Variants in JPH3 observed in about 807,000 individuals in gnomAD.
JPH3 encodes junctophilin-3.
In JPH3, 11 loss-of-function variants were observed where a neutral mutation model predicts 59.6. The ratio of observed to expected loss-of-function variants is 0.18; its 90% CI spans 0.12 to 0.31. The LOEUF (loss-of-function observed/expected upper bound fraction) is 0.31, where lower values mean the gene tolerates loss of function less well. Among genes scored for constraint, JPH3 ranks in the 10% least tolerant of loss-of-function variants. JPH3 has a pLI of 1.00. For synonymous variants in JPH3, 673 were observed against 483.6 expected, an observed-to-expected ratio of 1.39 and a Z score of -5.14; for missense variants, 1,202 against 1,105.7, an observed-to-expected ratio of 1.09 and a Z score of -1.24.
In JPH3 at chr16:87,690,419, G is replaced by A. The variant is rs751394923; in HGVS notation, c.2059G>A (p.Glu687Lys). The A allele has an allele frequency of 2.0e-6, 3 of 1,500,244 alleles. No homozygotes were observed. The highest frequency in any genetic ancestry group is 2.8e-5 in the African/African-American group (2 of 70,970). The allele number at this position is 1,500,244 out of a possible 1,614,324, so 92.9% of individuals were successfully genotyped here. ...KLASLRLGGA[E>K]PRLLRWDLTF... ...GGCGAGCCTGCGGCTGGGCGGGGCC[G>A]AGCCCCGGTTGCTGCGTTGGGACTT... Residue 687 changes from glutamate (E) to lysine (K), a missense_variant, in exon 4 of 5, where the codon GAG (glutamate) becomes AAG (lysine). Transcript: ENST00000284262.
At chr16:87,636,013 C>T (rs1017005340) in intron 1 of JPH3, among the ~76,000 whole-genome samples, 4 of 152,332 alleles carry the variant, frequency 2.6e-5, no homozygotes, top group African/African-American at 7.2e-5. Flanking sequence ...CTCTGGGGGC[C>T]GTGCTGACCG....
chr16:87,649,707 G>A (rs940600122), intron 2 of JPH3, among the ~76,000 whole-genome samples: 3 of 152,168 alleles, frequency 2.0e-5, no homozygotes, highest in Non-Finnish European at 4.4e-5. Flanking sequence ...GGGCGATGGG[G>A]CAGATTGTAG....
intron 2 of JPH3, among the ~76,000 whole-genome samples, chr16:87,681,513 C>T (rs534102164): frequency 1.6e-5 from 2 of 128,030 alleles, no homozygotes; most frequent in East Asian, 4.8e-4. Flanking sequence ...GTGACAGTGC[C>T]GGGAGGTCAG....
intron 2 of JPH3, among the ~76,000 whole-genome samples, chr16:87,668,382 A>G (rs911152696): frequency 1.3e-5 from 2 of 152,032 alleles, no homozygotes; most frequent in African/African-American, 4.8e-5. Context: ...CTCTCCGCAG[A>G]CGCCCTTTCC....
At chr16:87,604,063 A>G in intron 1 of JPH3, 1 of 985,232 alleles carries the variant, frequency 1.0e-6, no homozygotes, top group Non-Finnish European at 1.2e-6. Context: ...AACCCGAACC[A>G]AAACAGCCAG....
At chr16:87,686,378 C>T (rs62053836) in intron 3 of JPH3, among the ~76,000 whole-genome samples, 5,082 of 124,416 alleles carry the variant, frequency 0.041, 46 homozygotes, top group African/African-American at 0.056. Context: ...AGAGGAGATG[C>T]TTCCCAGAGG....
chr16:87,673,713 G>A (rs1362879062), intron 2 of JPH3, among the ~76,000 whole-genome samples: 1 of 152,044 alleles, frequency 6.6e-6, no homozygotes, highest in African/African-American at 2.4e-5. Context: ...ATCACCTGAG[G>A]TCAGGAGTTC....
chr16:87,640,797 T>C (rs2031923846), intron 1 of JPH3, among the ~76,000 whole-genome samples: 1 of 152,222 alleles, frequency 6.6e-6, no homozygotes. Flanking sequence ...CTGTGTTTGA[T>C]GTGACAACCC....
chr16:87,665,657 G>T (rs1430334362), intron 2 of JPH3, among the ~76,000 whole-genome samples: 1 of 152,214 alleles, frequency 6.6e-6, no homozygotes, highest in Admixed American at 6.5e-5. Context: ...GGAAGCTGGG[G>T]GTGGGAGCAG....
chr16:87,607,419 C>T (rs773896307), intron 1 of JPH3, among the ~76,000 whole-genome samples: 2 of 152,252 alleles, frequency 1.3e-5, no homozygotes, highest in African/African-American at 4.8e-5. Context: ...CACCCACAGT[C>T]GGAATTCAGA....
intron 3 of JPH3, among the ~76,000 whole-genome samples, chr16:87,685,268 C>G (rs1022061901): frequency 6.6e-6 from 1 of 152,356 alleles, no homozygotes; most frequent in African/African-American, 2.4e-5. Flanking sequence ...GCAGCTGCAG[C>G]CTGGAGGTCA....
intron 2 of JPH3, among the ~76,000 whole-genome samples, chr16:87,672,261 G>A (rs1483600604): frequency 2.0e-5 from 3 of 152,120 alleles, no homozygotes; most frequent in East Asian, 1.9e-4. Context: ...GGAGCCCTGC[G>A]CTTTGTCATG....
chr16:87,614,019 A>T (rs1409415062), intron 1 of JPH3, among the ~76,000 whole-genome samples: 1 of 152,166 alleles, frequency 6.6e-6, no homozygotes, highest in Non-Finnish European at 1.5e-5. Context: ...CTTGCTTTAC[A>T]GATGAGGAAA....
chr16:87,680,236 G>A (rs573682470), intron 2 of JPH3, among the ~76,000 whole-genome samples: 2 of 152,360 alleles, frequency 1.3e-5, no homozygotes, highest in East Asian at 3.9e-4. Flanking sequence ...AACCCGCTTT[G>A]CTCCAGTGAT....
chr16:87,603,585 C>T (rs928275212), intron 1 of JPH3, 57 bp downstream of exon 1: 10 of 1,514,210 alleles, frequency 6.6e-6, no homozygotes, highest in Non-Finnish European at 8.9e-6. Flanking sequence ...CCGATCGCGC[C>T]CCTTCTGTGG....
At chr16:87,632,876 G>C (rs1025982867) in intron 1 of JPH3, among the ~76,000 whole-genome samples, 2 of 151,120 alleles carry the variant, frequency 1.3e-5, no homozygotes, top group African/African-American at 4.9e-5. Flanking sequence ...CTGCACGACA[G>C]AGCTGGACTC....
At chr16:87,619,866 G>A (rs770889640) in intron 1 of JPH3, among the ~76,000 whole-genome samples, 1 of 152,170 alleles carries the variant, frequency 6.6e-6, no homozygotes, top group African/African-American at 2.4e-5. Flanking sequence ...AGGGGCTGGA[G>A]ATGCCTTCTA....
intron 2 of JPH3, among the ~76,000 whole-genome samples, chr16:87,669,900 C>T (rs1305901329): frequency 2.0e-5 from 3 of 152,028 alleles, no homozygotes; most frequent in Admixed American, 2.0e-4. Flanking sequence ...CGGCCTCTCT[C>T]GGTGAGGGCC....
intron 1 of JPH3, among the ~76,000 whole-genome samples, chr16:87,631,986 T>C (rs1376529876): frequency 6.6e-6 from 1 of 152,234 alleles, no homozygotes; most frequent in Non-Finnish European, 1.5e-5. Context: ...ATTCCCCCTC[T>C]TTTTTCCCAC....
Sources: gnomAD v4.1 joint callset for allele counts (sites outside exome capture counted in the v4.1 genomes callset) on GRCh38, gnomAD v4.1.1 for gene constraint, MANE v1.5 for transcripts, NCBI Gene and HGNC (gene_info 2026-07-23, HGNC 2026-07-21) for gene names.